ERAP1: variants seen among roughly 807,000 people sequenced by gnomAD.
ERAP1 encodes adipocyte-derived leucine aminopeptidase.
In ERAP1, 86 loss-of-function variants were observed where a neutral mutation model predicts 103.7. That is an observed-to-expected ratio of 0.83 (90% CI 0.70 to 0.99). The LOEUF (loss-of-function observed/expected upper bound fraction) is 0.99. Among genes scored for constraint, ERAP1 ranks in the 50% least tolerant of loss-of-function variants. ERAP1 has a pLI of 0.00. For missense variants in ERAP1, 1,009 were observed against 1,128.4 expected, an observed-to-expected ratio of 0.89 and a Z score of 1.52; for synonymous variants, 398 against 402.4, an observed-to-expected ratio of 0.99 and a Z score of 0.13.
At chr5:96,819,040 C>G in the ERAP1 span, among the ~76,000 whole-genome samples, 1 of 152,038 alleles carries the variant, frequency 6.6e-6, no homozygotes, top group Admixed American at 6.5e-5. Flanking sequence ...ATTCTCCTGC[C>G]TCAGCCTCCC....
chr5:96,835,943 A>G, the ERAP1 span, among the ~76,000 whole-genome samples: 1 of 151,988 alleles, frequency 6.6e-6, no homozygotes, highest in Non-Finnish European at 1.5e-5. Flanking sequence ...ATCTGAGAAC[A>G]CTCTTGTGGT....
chr5:96,913,917 G>A, the ERAP1 span, among the ~76,000 whole-genome samples: 11 of 152,210 alleles, frequency 7.2e-5, no homozygotes, highest in Non-Finnish European at 1.6e-4. Flanking sequence ...TGGCACAGTG[G>A]AGACCTTGGT....
chr5:96,916,860 A>T, the ERAP1 span, among the ~76,000 whole-genome samples: 1 of 151,888 alleles, frequency 6.6e-6, no homozygotes, highest in African/African-American at 2.4e-5. Flanking sequence ...GAATTCCTGA[A>T]CTTAAATCCC....
the ERAP1 span, among the ~76,000 whole-genome samples, chr5:96,838,743 G>A: frequency 0.44 from 66,208 of 151,982 alleles, 15,064 homozygotes; most frequent in Non-Finnish European, 0.52. Flanking sequence ...CACAGAGGAA[G>A]TGACAGAACT....
intron 5 of ERAP1, among the ~76,000 whole-genome samples, chr5:96,794,634 C>A (rs992759286): frequency 6.6e-6 from 1 of 152,160 alleles, no homozygotes; most frequent in Non-Finnish European, 1.5e-5. Flanking sequence ...GTTTTAAGGG[C>A]TTGTGTAAGA....
chr5:96,858,421 G>T, the ERAP1 span, among the ~76,000 whole-genome samples: 1 of 151,936 alleles, frequency 6.6e-6, no homozygotes, highest in Admixed American at 6.6e-5. Context: ...CACCATGTTG[G>T]CCAGGCCTCA....
At chr5:96,885,254 G>T in the ERAP1 span, among the ~76,000 whole-genome samples, 14 of 152,104 alleles carry the variant, frequency 9.2e-5, no homozygotes, top group African/African-American at 3.4e-4. Flanking sequence ...TGCTGAGTTT[G>T]GTCAGAAGAC....
At chr5:96,859,806 A>C in the ERAP1 span, among the ~76,000 whole-genome samples, 1 of 152,194 alleles carries the variant, frequency 6.6e-6, no homozygotes, top group Admixed American at 6.5e-5. Flanking sequence ...GCTGGCAACT[A>C]TGACTCTGAC....
the ERAP1 span, chr5:96,873,446 GC>G: frequency 8.8e-6 from 4 of 454,128 alleles, no homozygotes; most frequent in Admixed American, 9.5e-5. Context: ...CTAAACAAAT[GC>G]CTGTAGTTTG....
the ERAP1 span, among the ~76,000 whole-genome samples, chr5:96,895,076 A>G: frequency 3.9e-5 from 6 of 152,132 alleles, no homozygotes; most frequent in African/African-American, 1.4e-4. Context: ...TGGTGAGAAT[A>G]AGAAGGCAAG....
chr5:96,798,110 G>C (rs1294231508), intron 3 of ERAP1, among the ~76,000 whole-genome samples: 2 of 152,078 alleles, frequency 1.3e-5, no homozygotes, highest in Non-Finnish European at 2.9e-5. Flanking sequence ...TGGATCACAA[G>C]GTAAGGAGAT....
the ERAP1 span, among the ~76,000 whole-genome samples, chr5:96,855,688 G>A: frequency 2.0e-5 from 3 of 152,204 alleles, no homozygotes; most frequent in East Asian, 1.9e-4. Flanking sequence ...TTTGGCCACC[G>A]TTGGATCATT....
At chr5:96,900,092 T>C in the ERAP1 span, 133 of 1,613,502 alleles carry the variant, frequency 8.2e-5, no homozygotes, top group African/African-American at 1.3e-3. Flanking sequence ...ATGCCTACAT[T>C]GCAGTGCTCT....
the ERAP1 span, among the ~76,000 whole-genome samples, chr5:96,830,033 AG>A: frequency 2.0e-5 from 3 of 152,346 alleles, no homozygotes; most frequent in East Asian, 5.8e-4. Context: ...AAGATCTTGA[AG>A]AATGATGTTC....
chr5:96,857,517 TA>T, the ERAP1 span, among the ~76,000 whole-genome samples: 1 of 152,026 alleles, frequency 6.6e-6, no homozygotes, highest in Non-Finnish European at 1.5e-5. Context: ...AAGCTAAAAA[TA>T]AAAAACTACA....
At chr5:96,879,602 G>A in the ERAP1 span, 3 of 1,060,492 alleles carry the variant, frequency 2.8e-6, 1 homozygote. Context: ...CAGACCCCAT[G>A]TGACATAACT....
intron 19 of ERAP1, chr5:96,763,298 A>G (rs1320372140): frequency 1.3e-6 from 1 of 779,542 alleles, no homozygotes. Flanking sequence ...ATTAGCAGCT[A>G]TAATCCTGGA....
intron 19 of ERAP1, chr5:96,768,502 C>T: frequency 2.5e-6 from 1 of 405,898 alleles, no homozygotes; most frequent in Non-Finnish European, 4.8e-6. Flanking sequence ...TGTGGATTTC[C>T]TTTTTTTTCT....
chr5:96,911,308 A>G, the ERAP1 span, among the ~76,000 whole-genome samples: 1 of 152,188 alleles, frequency 6.6e-6, no homozygotes, highest in Non-Finnish European at 1.5e-5. Context: ...TCCCTCCTCA[A>G]TGCTCTGTGT....
Sources: gnomAD v4.1 joint callset for allele counts (sites outside exome capture counted in the v4.1 genomes callset) on GRCh38, gnomAD v4.1.1 for gene constraint, MANE v1.5 for transcripts, NCBI Gene and HGNC (gene_info 2026-07-23, HGNC 2026-07-21) for gene names.